Variants in GINS2 observed in about 807,000 individuals in gnomAD.
GINS2 encodes GINS complex subunit 2, also known as DNA replication complex GINS protein PSF2.
GINS2 carries 23 observed loss-of-function variants against 21.2 expected under a neutral mutation model. The observed-to-expected ratio is 1.08, with a 90% confidence interval of 0.78 to 1.53. The LOEUF (loss-of-function observed/expected upper bound fraction) is 1.53, where lower values mean the gene tolerates loss of function less well. Ranked by LOEUF, GINS2 falls within the 40% of genes most tolerant of loss-of-function variation. The pLI, the probability that GINS2 is intolerant of heterozygous loss-of-function variation, is 0.00. For synonymous variants in GINS2, 118 were observed against 85.6 expected (o/e 1.38, Z -2.09); for missense variants, 323 against 233.9 (o/e 1.38, Z -2.49).
chr16:85,688,797 C>T lies in GINS2; in HGVS notation c.90+12G>A, dbSNP rs1467931831. On this transcript the variant is annotated intron_variant, in intron 1 of 4. Coordinates refer to ENST00000253462, the MANE Select transcript of GINS2 (RefSeq NM_016095.3). ...CCCGGCCTCCCCTCCCCACGGCGGGCCCAGGCCTCACCCCGATGAGGTAGA... is the reference window on the plus strand; with the variant it reads ...CCCGGCCTCCCCTCCCCACGGCGGGTCCAGGCCTCACCCCGATGAGGTAGA... 6.6e-7 allele frequency: 1 copy of T among 1,504,282 alleles called. No individual in the cohort carries two copies. Among genetic ancestry groups the T allele is most frequent in the East Asian group, 2.7e-5 (1 of 37,236 alleles). The allele number at this position is 1,504,282 out of a possible 1,614,324, so 93.2% of individuals were successfully genotyped here. A position where few individuals can be genotyped will look rare whatever the true frequency, so the allele number is the denominator to read the frequency against.
intron 1 of GINS2, 42 bp downstream of exon 1, chr16:85,688,767 C>T (rs2053802317): frequency 7.6e-7 from 1 of 1,321,510 alleles, no homozygotes; most frequent in Non-Finnish European, 1.0e-6. Context: ...CCCGGACGCG[C>T]CCAGCCCGGC....
chr16:85,686,655 G>C (rs1207169058), intron 2 of GINS2, among the ~76,000 whole-genome samples: 1 of 152,156 alleles, frequency 6.6e-6, no homozygotes, highest in Non-Finnish European at 1.5e-5. Flanking sequence ...CTAGACAGTT[G>C]ATAGAAATGG....
chr16:85,686,367 G>A (rs1268341568), intron 2 of GINS2, among the ~76,000 whole-genome samples: 1 of 151,108 alleles, frequency 6.6e-6, no homozygotes, highest in African/African-American at 2.4e-5. Context: ...GCAGTGAGCC[G>A]AGATCGCACC....
chr16:85,676,373 G>T lies in GINS2; in HGVS notation c.*1839C>A, dbSNP rs1467956934. On this transcript the variant is annotated 3_prime_UTR_variant, in exon 5 of 5. Coordinates refer to ENST00000253462, the MANE Select transcript of GINS2 (RefSeq NM_016095.3). ...GTGGTTTCATTCTAAAAGATCCCCA[G>T]ATGAAAGCAGGAGGATTCCAAGGAA... 1 of 152,226 alleles carries T rather than the reference G, an allele frequency of 6.6e-6. No individual in the cohort carries two copies. The highest frequency in any genetic ancestry group is 1.5e-5 in the Non-Finnish European group (1 of 68,046). The allele number at this position is 152,226 out of a possible 1,614,324, so 9.4% of individuals were successfully genotyped here. A position where few individuals can be genotyped will look rare whatever the true frequency, so the allele number is the denominator to read the frequency against.
chr16:85,680,860 G>A (rs2053726331), intron 3 of GINS2, among the ~76,000 whole-genome samples: 1 of 152,178 alleles, frequency 6.6e-6, no homozygotes, highest in Non-Finnish European at 1.5e-5. Flanking sequence ...CTGTAGAGAG[G>A]GTGAAAGAGG....
At chr16:85,686,052 A>G (rs11117258) in intron 2 of GINS2, among the ~76,000 whole-genome samples, 53,309 of 151,958 alleles carry the variant, frequency 0.35, 9,630 homozygotes, top group African/African-American at 0.45. Flanking sequence ...CTCCAAGAGA[A>G]GAAAAAGATT....
At chr16:85,680,439 G>A (rs139575065) in intron 3 of GINS2, among the ~76,000 whole-genome samples, 1 of 152,314 alleles carries the variant, frequency 6.6e-6, no homozygotes, top group African/African-American at 2.4e-5. Flanking sequence ...AGCTTCAGAA[G>A]CTTGAAATTG....
intron 3 of GINS2, among the ~76,000 whole-genome samples, chr16:85,681,147 GAC>G (rs1022596983): frequency 6.6e-6 from 1 of 152,190 alleles, no homozygotes; most frequent in Admixed American, 6.5e-5. Flanking sequence ...TCCTGCGAAA[GAC>G]ACAAAAAAAC....
chr16:85,678,497 T>G, intron 4 of GINS2, 43 bp downstream of exon 4: 2 of 1,602,166 alleles, frequency 1.2e-6, no homozygotes, highest in Non-Finnish European at 1.7e-6. Context: ...TGTGAAATTA[T>G]GCGGCATCAA....
chr16:85,686,218 AC>A (rs1394641201), intron 2 of GINS2, among the ~76,000 whole-genome samples: 2 of 152,126 alleles, frequency 1.3e-5, no homozygotes, highest in African/African-American at 4.8e-5. Context: ...ATTGAGACCA[AC>A]CTGGCTAACA....
chr16:85,682,274 C>T (rs117581232), intron 2 of GINS2, among the ~76,000 whole-genome samples: 1 of 152,066 alleles, frequency 6.6e-6, no homozygotes, highest in Non-Finnish European at 1.5e-5. Context: ...CTCAGCTTCT[C>T]GAAGTGCTGG....
Position 85,678,123 on chromosome 16 carries a change from A to C in GINS2, c.*89T>G, listed in dbSNP as rs1426628787. On this transcript the variant is annotated 3_prime_UTR_variant, in exon 5 of 5. Coordinates refer to ENST00000253462, the MANE Select transcript of GINS2 (RefSeq NM_016095.3). ...CCATCACACATTTTTCATGCATCAG[A>C]AGTGTTTCTAGAGCTCCAGAACCAC... is the stretch of plus-strand genomic sequence containing the variant. 1.8e-6 allele frequency: 2 copies of C among 1,117,024 alleles called. No individual in the cohort carries two copies. The highest frequency in any genetic ancestry group is 2.6e-6 in the Non-Finnish European group (2 of 755,844). The allele number at this position is 1,117,024 out of a possible 1,614,324, so 69.2% of individuals were successfully genotyped here.
rs150766271 is a variant in GINS2, at chr16:85,678,642, T to C, written c.330A>G (p.Ala110=). The C allele has an allele frequency of 1.2e-6, 2 of 1,613,856 alleles. No homozygotes were observed. The highest frequency in any genetic ancestry group is 2.2e-5 in the South Asian group (2 of 91,074). Residue 110 remains alanine (A), a synonymous_variant, in exon 4 of 5, where the codon GCA becomes GCG. Transcript: ENST00000253462. ...LNHASDNIPK[A]DEIRTLVKDM... ...CCTTGACCAGGGTCCGGATTTCGTC[T>C]GCCTTCGGGATGTTGTCTGAAGCAC... is the stretch of plus-strand genomic sequence containing the variant.
chr16:85,681,785 A>C, intron 2 of GINS2, 104 bp from the exon 3 acceptor site: 1 of 676,146 alleles, frequency 1.5e-6, no homozygotes, highest in Non-Finnish European at 2.6e-6. Context: ...ATACATTATC[A>C]ACTAGCAAAT....
chr16:85,688,882 ACCTCGGCAGCGTCCATGGCGG>A lies in GINS2; in HGVS notation c.-5_16del, dbSNP rs1359198849. 6.5e-7 allele frequency: 1 copy of A among 1,538,444 alleles called. No homozygotes were observed. On this transcript the variant is annotated start_lost and 5_prime_UTR_variant, in exon 1 of 5. Coordinates refer to ENST00000253462, the MANE Select transcript of GINS2 (RefSeq NM_016095.3). ...CAGCTCCTTCTCGGCGAGGAATTCG[ACCTCGGCAGCGTCCATGGCGG>A]CGCGAGCTGCAGGCCAGAGCCTCAC... is the stretch of plus-strand genomic sequence containing the variant.
At chr16:85,679,257 C>G (rs1380559297) in intron 3 of GINS2, among the ~76,000 whole-genome samples, 1 of 152,184 alleles carries the variant, frequency 6.6e-6, no homozygotes, top group East Asian at 1.9e-4. Context: ...GAAGAAACTG[C>G]AAATTAGTAT....
chr16:85,682,657 G>C (rs1221604597), intron 2 of GINS2, among the ~76,000 whole-genome samples: 1 of 152,092 alleles, frequency 6.6e-6, no homozygotes. Context: ...TGACATCCTA[G>C]AGGGGTGAAA....
Position 85,681,677 on chromosome 16 carries a change from C to A in GINS2, c.210G>T (p.Lys70Asn). ...LLPPEWMDVE[K>N]LEKMRDHERK... ...GTTCATGATCCCTCATCTTCTCCAACTTTTCTGAAATTTAGAAGTTAATAC... is the reference window on the plus strand; with the variant it reads ...GTTCATGATCCCTCATCTTCTCCAAATTTTCTGAAATTTAGAAGTTAATAC... The change falls in exon 3 of 5, where the codon AAG becomes AAT. Residue 70 changes from lysine to asparagine, a missense_variant. Physicochemically the swap from Lys to Asn is moderately conservative, Grantham distance 94. Coordinates refer to ENST00000253462, the MANE Select transcript of GINS2 (RefSeq NM_016095.3). 1 of 1,595,050 alleles carries A rather than the reference C, an allele frequency of 6.3e-7. No individual in the cohort carries two copies. The highest frequency in any genetic ancestry group is 1.1e-5 in the South Asian group (1 of 90,440).
At position 85,677,555 on chromosome 16, in the gene GINS2, G is replaced by A. The variant is rs943925579; in HGVS notation, c.*657C>T. 1 of 152,252 alleles carries A rather than the reference G, an allele frequency of 6.6e-6. No individual in the cohort carries two copies. The highest frequency in any genetic ancestry group is 2.4e-5 in the African/African-American group (1 of 41,442). The allele number at this position is 152,252 out of a possible 1,614,324, so 9.4% of individuals were successfully genotyped here. On this transcript the variant is annotated 3_prime_UTR_variant, in exon 5 of 5. Transcript: ENST00000253462. Reference sequence around the variant, plus strand: ...AAGAGAAGGAGACACCCCAGGTGTTGGTCTGCAGTTTCCACTTAACTGCCG... The same window carrying A: ...AAGAGAAGGAGACACCCCAGGTGTTAGTCTGCAGTTTCCACTTAACTGCCG...
Sources: allele counts gnomAD v4.1 joint callset (sites outside exome capture counted in the v4.1 genomes callset), GRCh38; gene constraint gnomAD v4.1.1; transcripts MANE v1.5; gene names NCBI Gene and HGNC (gene_info 2026-07-23, HGNC 2026-07-21).